JPH3: variants seen among roughly 807,000 people sequenced by gnomAD.
JPH3 encodes the protein junctophilin-3.
Under a neutral mutation model 59.6 loss-of-function variants are expected in JPH3, and 11 were observed. That is an observed-to-expected ratio of 0.18 (90% CI 0.12 to 0.31). The LOEUF is 0.31. Ranked by LOEUF, JPH3 falls within the 10% of genes least tolerant of loss-of-function variation. JPH3 has a pLI of 1.00. For missense variants in JPH3, 1,202 were observed against 1,105.7 expected, an observed-to-expected ratio of 1.09 and a Z score of -1.24; for synonymous variants, 673 against 483.6, an observed-to-expected ratio of 1.39 and a Z score of -5.14.
At chr16:87,605,062 C>T in intron 1 of JPH3, 2 of 411,088 alleles carry the variant, frequency 4.9e-6, no homozygotes, top group South Asian at 1.7e-5. Flanking sequence ...GGCAGCCTGG[C>T]GCTTCCAGCT....
intron 2 of JPH3, among the ~76,000 whole-genome samples, chr16:87,651,852 G>C (rs1459428201): frequency 6.6e-6 from 1 of 152,236 alleles, no homozygotes; most frequent in Non-Finnish European, 1.5e-5. Context: ...AGTTTGAGGG[G>C]ATTGACTCCA....
At chr16:87,687,729 C>T (rs895428558) in intron 3 of JPH3, among the ~76,000 whole-genome samples, 3 of 152,284 alleles carry the variant, frequency 2.0e-5, no homozygotes, top group Middle Eastern at 3.4e-3. Flanking sequence ...CTGAGGGTGC[C>T]CTCCTGCTGG....
At chr16:87,605,263 G>A (rs1438856259) in intron 1 of JPH3, among the ~76,000 whole-genome samples, 1 of 152,220 alleles carries the variant, frequency 6.6e-6, no homozygotes, top group Non-Finnish European at 1.5e-5. Flanking sequence ...ATATCTGGGG[G>A]TGAGGCTGAG....
At chr16:87,632,064 G>C (rs1391290868) in intron 1 of JPH3, among the ~76,000 whole-genome samples, 11 of 152,066 alleles carry the variant, frequency 7.2e-5, no homozygotes, top group Non-Finnish European at 1.6e-4. Context: ...ACCGTTGACT[G>C]TTCATATATT....
intron 1 of JPH3, among the ~76,000 whole-genome samples, chr16:87,633,668 G>A (rs1315448571): frequency 2.0e-5 from 3 of 151,838 alleles, no homozygotes; most frequent in African/African-American, 7.3e-5. Flanking sequence ...GTGTGGTGGC[G>A]GGCGCCTGTA....
chr16:87,690,020 G>C lies in JPH3; in HGVS notation c.1660G>C (p.Asp554His). The C allele has an allele frequency of 6.5e-7, 1 of 1,531,328 alleles. No homozygotes were observed. The highest frequency in any genetic ancestry group is 1.4e-5 in the African/African-American group (1 of 72,332). 94.9% of individuals were successfully genotyped at this position (1,531,328 alleles called of 1,614,324 possible). A position where few individuals can be genotyped will look rare whatever the true frequency, so the allele number is the denominator to read the frequency against. The change falls in exon 4 of 5, where the codon GAT becomes CAT. Residue 554 changes from aspartate (D) to histidine (H), a missense_variant. By Grantham distance (81) the Asp-to-His change is moderately conservative (BLOSUM62 -1). Transcript: ENST00000284262. ...SGALRGGLLV[D>H]DFRTRGSGRK... Reference sequence around the variant, plus strand: ...TGCCCTGCGCGGCGGCCTGCTCGTGGATGACTTCCGCACCCGAGGTTCGGG... The same window carrying C: ...TGCCCTGCGCGGCGGCCTGCTCGTGCATGACTTCCGCACCCGAGGTTCGGG...
chr16:87,691,710 C>T (rs1266504508), intron 4 of JPH3, among the ~76,000 whole-genome samples: 1 of 152,196 alleles, frequency 6.6e-6, no homozygotes, highest in Non-Finnish European at 1.5e-5. Context: ...GGACGTCTGT[C>T]TGTCCTGTTG....
intron 2 of JPH3, among the ~76,000 whole-genome samples, chr16:87,681,716 C>G (rs566500272): frequency 6.6e-6 from 1 of 152,096 alleles, no homozygotes; most frequent in Non-Finnish European, 1.5e-5. Flanking sequence ...TCCGGAAGGT[C>G]AAGTGCATGT....
intron 2 of JPH3, among the ~76,000 whole-genome samples, chr16:87,647,139 C>T (rs987449275): frequency 2.6e-5 from 4 of 152,192 alleles, no homozygotes; most frequent in African/African-American, 9.6e-5. Flanking sequence ...TTGGGGGGCC[C>T]AGGGGCTCTG....
At chr16:87,625,451 G>A (rs1486179986) in intron 1 of JPH3, among the ~76,000 whole-genome samples, 1 of 152,214 alleles carries the variant, frequency 6.6e-6, no homozygotes, top group African/African-American at 2.4e-5. Context: ...CACCTGAGAG[G>A]TCTGAACCCT....
At chr16:87,661,423 C>G (rs1166079491) in intron 2 of JPH3, among the ~76,000 whole-genome samples, 4 of 152,272 alleles carry the variant, frequency 2.6e-5, no homozygotes, top group Non-Finnish European at 5.9e-5. Context: ...TCCTCTGGGC[C>G]TGCCCTTTGC....
At chr16:87,625,332 C>G (rs2031332157) in intron 1 of JPH3, among the ~76,000 whole-genome samples, 1 of 152,162 alleles carries the variant, frequency 6.6e-6, no homozygotes, top group Non-Finnish European at 1.5e-5. Context: ...CCTGAACCCT[C>G]AGTGTTTCCC....
intron 1 of JPH3, among the ~76,000 whole-genome samples, chr16:87,624,329 C>A (rs2031290462): frequency 6.6e-6 from 1 of 152,202 alleles, no homozygotes; most frequent in Admixed American, 6.5e-5. Context: ...TCCCACGGCT[C>A]CCCACCCCTG....
Position 87,690,349 on chromosome 16 carries a change from G to C in JPH3, c.1989G>C (p.Glu663Asp), listed in dbSNP as rs907178858. The C allele has an allele frequency of 3.2e-6, 5 of 1,570,622 alleles. No individual in the cohort carries two copies. The African/African-American group carries it at 6.8e-5, about 21-fold the overall frequency. The change falls in exon 4 of 5, where the codon GAG becomes GAC. Residue 663 changes from glutamate (E) to aspartate (D), a missense_variant. Coordinates refer to ENST00000284262, the MANE Select transcript of JPH3 (RefSeq NM_020655.4). ...QRLRSKAQNK[E>D]NFRPASSAEP... ...TGCGGTCCAAGGCCCAGAACAAGGA[G>C]AACTTCAGGCCGGCCTCCTCCGCGG...
intron 1 of JPH3, among the ~76,000 whole-genome samples, chr16:87,615,858 C>T (rs1046096971): frequency 9.2e-5 from 14 of 152,176 alleles, no homozygotes; most frequent in Non-Finnish European, 1.6e-4. Context: ...GGGTCAGCCC[C>T]GGGCACAGCA....
chr16:87,691,353 G>A (rs896602467), intron 4 of JPH3, among the ~76,000 whole-genome samples: 19 of 152,210 alleles, frequency 1.2e-4, no homozygotes, highest in African/African-American at 2.9e-4. Context: ...ATCTGCGCAC[G>A]GCCAGGCCCT....
At chr16:87,612,847 T>A (rs912998325) in intron 1 of JPH3, among the ~76,000 whole-genome samples, 9 of 151,618 alleles carry the variant, frequency 5.9e-5, no homozygotes, top group African/African-American at 1.9e-4. Flanking sequence ...TGAAACCCCG[T>A]CTCTACTAAA....
At position 87,644,561 on chromosome 16, in the gene JPH3, A is replaced by C. The variant is rs777642426; in HGVS notation, c.686A>C (p.Glu229Ala). The change falls in exon 2 of 5, where the codon GAG becomes GCG. Residue 229 changes from glutamate to alanine, a missense_variant. Transcript: ENST00000284262. ...AGTGGGCTGAAGCTGCGCAAGTCGG[A>C]GTCCAAGAGCAGCCTGGCCAGCCAA... ...LLSGLKLRKS[E>A]SKSSLASQRS... is the part of the protein sequence containing the mutation. 1.2e-6 allele frequency: 2 copies of C among 1,612,744 alleles called. No homozygotes were observed. The highest frequency in any genetic ancestry group is 1.1e-5 in the South Asian group (1 of 91,046).
chr16:87,660,519 A>T (rs1191240373), intron 2 of JPH3, among the ~76,000 whole-genome samples: 1 of 152,184 alleles, frequency 6.6e-6, no homozygotes, highest in Non-Finnish European at 1.5e-5. Context: ...ACTGGGCGCC[A>T]CTGCTCATGC....
Sources: allele counts gnomAD v4.1 joint callset (sites outside exome capture counted in the v4.1 genomes callset), GRCh38; gene constraint gnomAD v4.1.1; transcripts MANE v1.5; gene names NCBI Gene and HGNC (gene_info 2026-07-23, HGNC 2026-07-21).